The following DLG2 variants were observed in gnomAD, a reference collection of about 807,000 sequenced individuals.
The protein encoded by DLG2 is disks large homolog 2.
Under a neutral mutation model 132.5 loss-of-function variants are expected in DLG2, and 45 were observed. The ratio of observed to expected loss-of-function variants is 0.34; its 90% CI spans 0.27 to 0.44. The LOEUF is 0.44. DLG2 is among the 20% of genes least tolerant of loss of function. The probability of loss-of-function intolerance (pLI) is 1.00; values close to 1 mark genes in which losing one functional copy is unlikely to be tolerated. For synonymous variants in DLG2, 424 were observed against 419.6 expected, an observed-to-expected ratio of 1.01 and a Z score of -0.13; for missense variants, 1,045 against 1,196.9, an observed-to-expected ratio of 0.87 and a Z score of 1.87.
intron 19 of DLG2, among the ~76,000 whole-genome samples, chr11:83,584,022 G>A (rs1309703054): frequency 6.6e-6 from 1 of 152,074 alleles, no homozygotes; most frequent in Non-Finnish European, 1.5e-5. Flanking sequence ...CCAATGAAAG[G>A]CCAGGCTTAG....
intron 11 of DLG2, among the ~76,000 whole-genome samples, chr11:84,030,272 C>A (rs1566113656): frequency 1.3e-5 from 2 of 152,102 alleles, no homozygotes; most frequent in African/African-American, 4.8e-5. Context: ...GGAAAATCCT[C>A]AATCCACATA....
chr11:85,042,515 G>A (rs1430208830), intron 6 of DLG2, among the ~76,000 whole-genome samples: 3 of 152,072 alleles, frequency 2.0e-5, no homozygotes, highest in East Asian at 3.9e-4. Context: ...GCTAGTAAAT[G>A]GAAGAAAAGG....
At chr11:84,391,616 C>G (rs2098792780) in intron 7 of DLG2, among the ~76,000 whole-genome samples, 1 of 152,018 alleles carries the variant, frequency 6.6e-6, no homozygotes, top group Admixed American at 6.6e-5. Flanking sequence ...GGGTGGCATG[C>G]TAGTAGAGAT....
In DLG2 at chr11:85,520,118, A is replaced by G. The variant is rs2074171211; in HGVS notation, c.40+78539T>C. ...CTGGTCTTGAACTTCTGGCCCCAGC[A>G]ATCACCCCATCTCAGCTTCCCAAAG... is the stretch of plus-strand genomic sequence containing the variant. On this transcript the variant is annotated intron_variant, in intron 3 of 27. Transcript: ENST00000376104. 2.0e-5 allele frequency among the ~76,000 whole-genome samples: 3 copies of G among 151,938 alleles called. No homozygotes were observed. The South Asian group carries it at 6.2e-4, about 32-fold the overall frequency.
intron 6 of DLG2, among the ~76,000 whole-genome samples, chr11:85,008,393 T>C (rs1373135137): frequency 6.6e-6 from 1 of 152,142 alleles, no homozygotes; most frequent in Non-Finnish European, 1.5e-5. Flanking sequence ...GAATCGTAGT[T>C]TCTGTATTTG....
intron 3 of DLG2, among the ~76,000 whole-genome samples, chr11:85,371,442 T>C (rs532485600): frequency 2.8e-4 from 43 of 152,320 alleles, no homozygotes; most frequent in Non-Finnish European, 5.6e-4. Context: ...TTAGAAACTA[T>C]CTGTGAGTAT....
At chr11:84,621,504 T>C (rs747655654) in intron 6 of DLG2, among the ~76,000 whole-genome samples, 3 of 152,168 alleles carry the variant, frequency 2.0e-5, no homozygotes, top group African/African-American at 4.8e-5. Context: ...GAGCCTCCCA[T>C]GTACGCCTCA....
intron 6 of DLG2, among the ~76,000 whole-genome samples, chr11:84,841,624 A>G (rs903711998): frequency 6.6e-6 from 1 of 152,008 alleles, no homozygotes; most frequent in Non-Finnish European, 1.5e-5. Flanking sequence ...GAACAAATGA[A>G]TCTCATTTTT....
intron 7 of DLG2, among the ~76,000 whole-genome samples, chr11:84,252,457 C>G (rs2097398416): frequency 1.3e-5 from 2 of 152,006 alleles, no homozygotes; most frequent in South Asian, 4.1e-4. Flanking sequence ...ATTTATGCAC[C>G]TCTAATCATA....
At chr11:84,189,020 T>C (rs2096345272) in intron 8 of DLG2, among the ~76,000 whole-genome samples, 1 of 152,234 alleles carries the variant, frequency 6.6e-6, no homozygotes, top group East Asian at 1.9e-4. Context: ...TTTATTCATC[T>C]ATTCAAATAT....
intron 7 of DLG2, among the ~76,000 whole-genome samples, chr11:84,401,573 T>G (rs2098829456): frequency 6.6e-6 from 1 of 152,254 alleles, no homozygotes; most frequent in East Asian, 1.9e-4. Context: ...TACATTTAAT[T>G]AATATTTTAG....
chr11:85,268,816 T>C (rs534511675), intron 4 of DLG2, among the ~76,000 whole-genome samples: 4 of 152,304 alleles, frequency 2.6e-5, no homozygotes, highest in African/African-American at 9.6e-5. Context: ...GATAAATACT[T>C]GGTAAGAAAG....
intron 6 of DLG2, among the ~76,000 whole-genome samples, chr11:84,613,800 G>A (rs2099599487): frequency 6.6e-6 from 1 of 152,088 alleles, no homozygotes; most frequent in Non-Finnish European, 1.5e-5. Flanking sequence ...CCTTACAATG[G>A]AGATTCCTTG....
chr11:85,477,407 CA>C (rs1003916383), intron 3 of DLG2, among the ~76,000 whole-genome samples: 14 of 152,148 alleles, frequency 9.2e-5, no homozygotes, highest in Admixed American at 9.2e-4. Flanking sequence ...AAATGAGACA[CA>C]AAAAACAAAA....
chr11:85,444,233 A>G (rs1352665822), intron 3 of DLG2, among the ~76,000 whole-genome samples: 1 of 152,234 alleles, frequency 6.6e-6, no homozygotes, highest in African/African-American at 2.4e-5. Context: ...TAATTCAAGA[A>G]ATCTAAAAAT....
At chr11:83,837,723 C>CAAAAAAAAAAAAAAAAAAAAAAAAAAA (rs386374350) in intron 16 of DLG2, among the ~76,000 whole-genome samples, 1 of 45,948 alleles carries the variant, frequency 2.2e-5, no homozygotes, top group African/African-American at 9.7e-5. Flanking sequence ...ACATAGCAAG[C>CAAAAAAAAAAAAAAAAAAAAAAAAAAA]AAAAAAAAAA....
intron 11 of DLG2, among the ~76,000 whole-genome samples, chr11:83,990,980 TA>T (rs1273908373): frequency 2.0e-5 from 3 of 152,198 alleles, no homozygotes; most frequent in South Asian, 2.1e-4. Context: ...AAGTTTCAGC[TA>T]AAAAACAACA....
chr11:84,368,665 T>C (rs969813257), intron 7 of DLG2, among the ~76,000 whole-genome samples: 5 of 152,132 alleles, frequency 3.3e-5, no homozygotes, highest in Non-Finnish European at 7.4e-5. Flanking sequence ...GTTATTTATC[T>C]TTTATGATTC....
chr11:85,021,696 T>A, intron 6 of DLG2: 15 of 941,344 alleles, frequency 1.6e-5, no homozygotes, highest in Admixed American at 1.2e-4. Context: ...AAAATGTGGC[T>A]GAAGATCAAA....
Sources: allele counts gnomAD v4.1 joint callset (sites outside exome capture counted in the v4.1 genomes callset), GRCh38; gene constraint gnomAD v4.1.1; transcripts MANE v1.5; gene names NCBI Gene and HGNC (gene_info 2026-07-23, HGNC 2026-07-21).